The following RNF150 variants were observed in gnomAD, a reference collection of about 807,000 sequenced individuals.
The protein encoded by RNF150 is ring finger protein 150.
In RNF150, 24 loss-of-function variants were observed where a neutral mutation model predicts 39.3. The observed-to-expected ratio is 0.61, with a 90% CI of 0.44 to 0.86. The LOEUF is 0.86. Among genes scored for constraint, RNF150 ranks in the 40% least tolerant of loss-of-function variants. The pLI is 0.00. For missense variants in RNF150, 502 were observed against 587.8 expected (o/e 0.85, Z 1.51); for synonymous variants, 255 against 227.3 (o/e 1.12, Z -1.10).
intron 1 of RNF150, among the ~76,000 whole-genome samples, chr4:140,993,018 G>A (rs931098168): frequency 6.6e-5 from 10 of 152,026 alleles, no homozygotes; most frequent in South Asian, 4.2e-4. Flanking sequence ...CAATGCTCTC[G>A]GGAGTCGCTC....
At chr4:141,066,829 G>T (rs1737479531) in intron 1 of RNF150, among the ~76,000 whole-genome samples, 1 of 152,130 alleles carries the variant, frequency 6.6e-6, no homozygotes, top group Non-Finnish European at 1.5e-5. Context: ...TCACTTAACA[G>T]GGCTATATTT....
intron 1 of RNF150, among the ~76,000 whole-genome samples, chr4:140,972,306 T>C (rs1432236345): frequency 6.6e-6 from 1 of 152,142 alleles, no homozygotes; most frequent in African/African-American, 2.4e-5. Flanking sequence ...CATCAACAAG[T>C]ATATTTTTAA....
chr4:141,108,445 C>A (rs777010019), intron 1 of RNF150, among the ~76,000 whole-genome samples: 30 of 152,140 alleles, frequency 2.0e-4, no homozygotes, highest in South Asian at 2.1e-4. Flanking sequence ...TTATTTAGCA[C>A]TTCCCATGTG....
chr4:141,200,392 C>T (rs919791452), intron 1 of RNF150, among the ~76,000 whole-genome samples: 2 of 151,918 alleles, frequency 1.3e-5, no homozygotes, highest in African/African-American at 4.8e-5. Flanking sequence ...AGACTGTCAT[C>T]TTCTGTCTAT....
intron 6 of RNF150, among the ~76,000 whole-genome samples, chr4:140,894,854 T>A (rs1184030713): frequency 6.6e-6 from 1 of 152,188 alleles, no homozygotes; most frequent in Non-Finnish European, 1.5e-5. Flanking sequence ...TTGTCAATAA[T>A]GTAAGTATGG....
chr4:141,086,567 G>T (rs551381007), intron 1 of RNF150, among the ~76,000 whole-genome samples: 1 of 152,020 alleles, frequency 6.6e-6, no homozygotes, highest in Admixed American at 6.6e-5. Context: ...TGAACTATAT[G>T]CAAATAATCT....
In RNF150 at chr4:140,911,165, C is replaced by A. The variant is rs764599080; in HGVS notation, c.1177G>T (p.Asp393Tyr). The A allele has an allele frequency of 5.6e-6, 9 of 1,613,916 alleles. No individual in the cohort carries two copies. Among genetic ancestry groups the A allele is most frequent in the Non-Finnish European group, 7.6e-6 (9 of 1,179,894 alleles). The part of the protein sequence containing the change: ...QDTDPIPQEG[D>Y]VIFTTNSEQE... Reference sequence around the variant, plus strand: ...TCACTGTTAGTAGTAAAGATGACGTCTCCCTCCTGGGGGATGGGGTCTGTA... The same window carrying A: ...TCACTGTTAGTAGTAAAGATGACGTATCCCTCCTGGGGGATGGGGTCTGTA... Residue 393 changes from aspartate to tyrosine, a missense_variant, in exon 6 of 7, where the codon GAC becomes TAC. Physicochemically the swap from Asp to Tyr is radical, Grantham distance 160 (BLOSUM62 -3). Coordinates refer to ENST00000515673, the MANE Select transcript of RNF150 (RefSeq NM_020724.2).
chr4:141,007,270 G>C (rs1439878484), intron 1 of RNF150, among the ~76,000 whole-genome samples: 1 of 152,114 alleles, frequency 6.6e-6, no homozygotes, highest in Admixed American at 6.5e-5. Context: ...ATGTAGTGGT[G>C]GTGAGGGTCT....
At chr4:141,039,286 A>C (rs1394003903) in intron 1 of RNF150, among the ~76,000 whole-genome samples, 1 of 151,964 alleles carries the variant, frequency 6.6e-6, no homozygotes, top group African/African-American at 2.4e-5. Context: ...TAACTGGTGA[A>C]AGTTAGTGGA....
At chr4:141,066,364 A>G (rs1214997388) in intron 1 of RNF150, among the ~76,000 whole-genome samples, 1 of 152,200 alleles carries the variant, frequency 6.6e-6, no homozygotes, top group Non-Finnish European at 1.5e-5. Context: ...ATGTTTCAAC[A>G]GGGATGGTGT....
intron 1 of RNF150, among the ~76,000 whole-genome samples, chr4:141,152,809 A>C (rs1327045164): frequency 6.6e-6 from 1 of 152,246 alleles, no homozygotes; most frequent in African/African-American, 2.4e-5. Context: ...ATACTAAATT[A>C]GCCTTTGAAA....
chr4:141,038,751 G>A (rs546083536), intron 1 of RNF150, among the ~76,000 whole-genome samples: 1 of 152,244 alleles, frequency 6.6e-6, no homozygotes, highest in Middle Eastern at 3.4e-3. Context: ...TACTTGAACA[G>A]TGAGCAATAA....
At chr4:141,110,379 A>T (rs1739348032) in intron 1 of RNF150, among the ~76,000 whole-genome samples, 1 of 151,990 alleles carries the variant, frequency 6.6e-6, no homozygotes, top group Non-Finnish European at 1.5e-5. Context: ...GCTCTTTCTT[A>T]AAATATTTTT....
intron 1 of RNF150, among the ~76,000 whole-genome samples, chr4:141,174,904 A>C (rs1378857326): frequency 4.0e-5 from 6 of 151,894 alleles, no homozygotes; most frequent in African/African-American, 7.3e-5. Flanking sequence ...AAAAAAAAAA[A>C]ACCTCTGTAC....
chr4:140,944,958 C>T (rs1280167323), intron 4 of RNF150: 2 of 152,098 alleles, frequency 1.3e-5, no homozygotes, highest in East Asian at 3.9e-4. Context: ...AAAACAGCAA[C>T]AGGCATAAAA....
chr4:140,962,065 T>TTCTC (rs70946717), intron 2 of RNF150, among the ~76,000 whole-genome samples: 66,176 of 148,944 alleles, frequency 0.44, 15,429 homozygotes, highest in East Asian at 0.71. Flanking sequence ...TCTCTCTCTC[T>TTCTC]TCTCTCTCTC....
At chr4:141,174,218 A>G (rs1423244332) in intron 1 of RNF150, among the ~76,000 whole-genome samples, 4 of 152,202 alleles carry the variant, frequency 2.6e-5, no homozygotes, top group African/African-American at 9.6e-5. Context: ...TGTCTGAGAC[A>G]TCTCCCAGTT....
intron 1 of RNF150, among the ~76,000 whole-genome samples, chr4:141,190,821 T>A (rs769821626): frequency 6.6e-5 from 10 of 152,360 alleles, no homozygotes; most frequent in Middle Eastern, 3.4e-3. Flanking sequence ...AAATTAGGTT[T>A]TATTATATTT....
rs930987431 is a variant in RNF150, at chr4:141,084,440, A to G, written c.484+47885T>C. Among the ~76,000 whole-genome samples the G allele has an allele frequency of 1.1e-4, 16 of 152,358 alleles. No individual in the cohort carries two copies. The South Asian group carries it at 1.2e-3, about 12-fold the overall frequency. ...AAACCAAGGTAAATACTAGGAATAC[A>G]ATATTTCAAAAATAATGTCAATAAC... On this transcript the variant is annotated intron_variant, in intron 1 of 6. Transcript: ENST00000515673.
Sources: gnomAD v4.1 joint callset for allele counts (sites outside exome capture counted in the v4.1 genomes callset) on GRCh38, gnomAD v4.1.1 for gene constraint, MANE v1.5 for transcripts, NCBI Gene and HGNC (gene_info 2026-07-23, HGNC 2026-07-21) for gene names.